The following MRPL1 variants were observed in gnomAD, a reference collection of about 807,000 sequenced individuals.
MRPL1 encodes the protein mitochondrial ribosomal protein L1.
A neutral mutation model predicts 38.0 loss-of-function variants in MRPL1; 28 were observed. That is an observed-to-expected ratio of 0.74 (90% confidence interval 0.55 to 1.01). MRPL1 has a LOEUF of 1.01. Among genes scored for constraint, MRPL1 ranks in the 50% least tolerant of loss-of-function variants. The pLI, the probability that MRPL1 is intolerant of heterozygous loss-of-function variation, is 0.00. For missense variants in MRPL1, 358 were observed against 389.8 expected (o/e 0.92, Z 0.69); for synonymous variants, 123 against 126.7 (o/e 0.97, Z 0.20).
chr4:77,891,511 G>C (rs113058629), intron 5 of MRPL1, among the ~76,000 whole-genome samples: 10,672 of 151,850 alleles, frequency 0.07, 590 homozygotes, highest in African/African-American at 0.15. Context: ...GCCTGCCACT[G>C]TGCCCAGCTA....
At chr4:77,908,008 C>T (rs1736198781) in intron 6 of MRPL1, among the ~76,000 whole-genome samples, 1 of 151,560 alleles carries the variant, frequency 6.6e-6, no homozygotes. Context: ...AGTGATTCTC[C>T]TGTCTCAGCC....
chr4:77,914,920 G>A (rs999415528), intron 7 of MRPL1, among the ~76,000 whole-genome samples: 1 of 152,116 alleles, frequency 6.6e-6, no homozygotes, highest in Non-Finnish European at 1.5e-5. Flanking sequence ...TTTTTGTATA[G>A]CCTGTGAGCT....
intron 2 of MRPL1, 137 bp downstream of exon 2, chr4:77,871,992 C>T: frequency 3.2e-6 from 2 of 628,812 alleles, no homozygotes; most frequent in East Asian, 6.1e-5. Flanking sequence ...ACCTTATAGT[C>T]CTGAAGGAAA....
intron 6 of MRPL1, among the ~76,000 whole-genome samples, chr4:77,902,512 A>G (rs573564030): frequency 9.2e-5 from 14 of 152,296 alleles, no homozygotes; most frequent in Non-Finnish European, 1.3e-4. Context: ...GGAAGAAAAA[A>G]TAATAAAGAA....
At chr4:77,899,868 C>A (rs80291420) in intron 6 of MRPL1, among the ~76,000 whole-genome samples, 508 of 152,214 alleles carry the variant, frequency 3.3e-3, no homozygotes, top group African/African-American at 0.012. Flanking sequence ...TAAGGGATAG[C>A]AAAGCCCTAG....
At chr4:77,913,569 T>C (rs1419264600) in intron 7 of MRPL1, among the ~76,000 whole-genome samples, 1 of 152,192 alleles carries the variant, frequency 6.6e-6, no homozygotes, top group Non-Finnish European at 1.5e-5. Context: ...TGCAACCTCT[T>C]TGGCAAACAA....
chr4:77,887,243 G>A lies in MRPL1; in HGVS notation c.510G>A (p.Ala170=), dbSNP rs372482253. ...AGAATGCATCAGAGGTCAAAATAGC[G>A]GAAGAAAATGGAGCTGCATTTGCAG... ...FTENASEVKI[A]EENGAAFAGG... is the part of the protein sequence containing the mutation. Residue 170 remains alanine, a synonymous_variant, in exon 5 of 9, where the codon GCG becomes GCA. Transcript: ENST00000315567. The A allele has an allele frequency of 2.1e-5, 34 of 1,613,838 alleles. 1 individual carries two copies. Among genetic ancestry groups the A allele is most frequent in the Middle Eastern group, 1.7e-4 (1 of 6,060 alleles).
chr4:77,915,635 A>G (rs995946628), intron 7 of MRPL1, among the ~76,000 whole-genome samples: 1 of 152,118 alleles, frequency 6.6e-6, no homozygotes, highest in Admixed American at 6.5e-5. Context: ...GCTGGTCTCC[A>G]ACTCCTGGGC....
chr4:77,945,629 C>T (rs971866301), intron 7 of MRPL1, among the ~76,000 whole-genome samples: 3 of 151,810 alleles, frequency 2.0e-5, no homozygotes, highest in Admixed American at 6.6e-5. Context: ...CCATAAGTGT[C>T]GGCCGGCTGA....
At chr4:77,885,675 A>AT (rs962985108) in intron 4 of MRPL1, among the ~76,000 whole-genome samples, 12 of 152,018 alleles carry the variant, frequency 7.9e-5, no homozygotes, top group South Asian at 2.1e-4. Flanking sequence ...TCATCATTTA[A>AT]TTTTTTTTAG....
At chr4:77,907,978 A>G (rs1736198220) in intron 6 of MRPL1, among the ~76,000 whole-genome samples, 1 of 150,106 alleles carries the variant, frequency 6.7e-6, no homozygotes, top group Admixed American at 6.6e-5. Flanking sequence ...GCTCACTACA[A>G]TCTCTGCCTC....
In MRPL1 at chr4:77,952,573, T is replaced by C; in HGVS notation, c.944T>C (p.Val315Ala). 6.2e-7 allele frequency: 1 copy of C among 1,611,600 alleles called. No homozygotes were observed. Among genetic ancestry groups the C allele is most frequent in the Non-Finnish European group, 8.5e-7 (1 of 1,178,560 alleles). Residue 315 changes from valine to alanine, a missense_variant, in exon 9 of 9, where the codon GTA becomes GCA. Transcript: ENST00000315567. The part of the protein sequence containing the change: ...LKIDPLLPKE[V>A]KNEESEKEDA ...ATTGATCCATTGTTGCCTAAAGAAG[T>C]AAAAAATGAAGAAAGTGAAAAAGAA...
At chr4:77,887,513 GGTGTGTGTGT>G (rs770209823) in intron 5 of MRPL1, among the ~76,000 whole-genome samples, 1 of 150,930 alleles carries the variant, frequency 6.6e-6, no homozygotes, top group Admixed American at 6.6e-5. Context: ...GTTTATTTGG[GGTGTGTGTGT>G]GTGTGTGTTT....
At chr4:77,914,334 A>G (rs1736366924) in intron 7 of MRPL1, among the ~76,000 whole-genome samples, 1 of 152,148 alleles carries the variant, frequency 6.6e-6, no homozygotes, top group African/African-American at 2.4e-5. Context: ...TATTAATGCT[A>G]AGTGTGCATG....
chr4:77,951,646 TAAG>T (rs942351952), intron 8 of MRPL1, among the ~76,000 whole-genome samples: 3 of 152,200 alleles, frequency 2.0e-5, no homozygotes, highest in Non-Finnish European at 2.9e-5. Flanking sequence ...ATAACATTGA[TAAG>T]AAAAAAATAG....
At chr4:77,906,534 G>A (rs1188290027) in intron 6 of MRPL1, among the ~76,000 whole-genome samples, 2 of 152,098 alleles carry the variant, frequency 1.3e-5, no homozygotes, top group South Asian at 2.1e-4. Flanking sequence ...AAAGAAGGGA[G>A]GAGCAGCGTC....
At chr4:77,948,644 G>A (rs555827828) in intron 7 of MRPL1, among the ~76,000 whole-genome samples, 8 of 152,112 alleles carry the variant, frequency 5.3e-5, no homozygotes, top group Non-Finnish European at 1.2e-4. Context: ...ATGCTTATGC[G>A]GGGCACATTT....
intron 6 of MRPL1, chr4:77,908,287 C>T: frequency 6.1e-6 from 1 of 163,208 alleles, no homozygotes; most frequent in South Asian, 1.4e-4. Flanking sequence ...GGCTGGAGTG[C>T]AGTGGCACAA....
chr4:77,939,953 G>T (rs1737078445), intron 7 of MRPL1, among the ~76,000 whole-genome samples: 1 of 152,162 alleles, frequency 6.6e-6, no homozygotes, highest in African/African-American at 2.4e-5. Flanking sequence ...TGGCCTTATA[G>T]TATAGTTTGA....
Sources: allele counts gnomAD v4.1 joint callset (sites outside exome capture counted in the v4.1 genomes callset), GRCh38; gene constraint gnomAD v4.1.1; transcripts MANE v1.5; gene names NCBI Gene and HGNC (gene_info 2026-07-23, HGNC 2026-07-21).